The following PSD3 variants were observed in gnomAD, a reference collection of about 807,000 sequenced individuals.
PSD3 encodes PH and SEC7 domain-containing protein 3.
PSD3 carries 49 observed loss-of-function variants against 105.5 expected under a neutral mutation model. The observed-to-expected ratio is 0.46, with a 90% confidence interval of 0.37 to 0.59. PSD3 has a LOEUF of 0.59. Among genes scored for constraint, PSD3 ranks in the 20% least tolerant of loss-of-function variants. The pLI, the probability that PSD3 is intolerant of heterozygous loss-of-function variation, is 0.00. For missense variants in PSD3, 1,561 were observed against 1,263.8 expected (o/e 1.24, Z -3.57); for synonymous variants, 557 against 457.8 (o/e 1.22, Z -2.77).
At chr8:19,045,358 T>C (rs113483901) in intron 1 of PSD3, among the ~76,000 whole-genome samples, 5,088 of 152,288 alleles carry the variant, frequency 0.033, 277 homozygotes, top group African/African-American at 0.11. Flanking sequence ...ATAGAAAAAG[T>C]TGACAAGGGA....
chr8:18,609,078 T>G (rs1279953623), intron 11 of PSD3, among the ~76,000 whole-genome samples: 1 of 152,152 alleles, frequency 6.6e-6, no homozygotes, highest in East Asian at 1.9e-4. Flanking sequence ...GTATGAGCAT[T>G]GCCTATTGTT....
chr8:18,566,395 G>A (rs553158197), intron 14 of PSD3, among the ~76,000 whole-genome samples: 5 of 151,876 alleles, frequency 3.3e-5, no homozygotes, highest in East Asian at 3.9e-4. Context: ...GTATGGTGGC[G>A]GGCGCCTGTA....
At chr8:18,769,306 C>T (rs1807289436) in intron 8 of PSD3, among the ~76,000 whole-genome samples, 2 of 152,084 alleles carry the variant, frequency 1.3e-5, no homozygotes, top group African/African-American at 2.4e-5. Flanking sequence ...GATATGTGAT[C>T]TGCAAAATTC....
chr8:19,065,397 T>A (rs1349333252), intron 1 of PSD3, among the ~76,000 whole-genome samples: 1 of 152,142 alleles, frequency 6.6e-6, no homozygotes, highest in Non-Finnish European at 1.5e-5. Flanking sequence ...TACCTGGAGA[T>A]AGCGTCAGAT....
intron 1 of PSD3, among the ~76,000 whole-genome samples, chr8:19,035,383 T>C (rs978688409): frequency 2.4e-4 from 36 of 152,334 alleles, no homozygotes; most frequent in African/African-American, 8.2e-4. Context: ...AAAACTGCTA[T>C]TAATGGATAC....
intron 14 of PSD3, among the ~76,000 whole-genome samples, chr8:18,561,902 G>C (rs985666629): frequency 2.0e-5 from 3 of 152,112 alleles, no homozygotes; most frequent in African/African-American, 4.8e-5. Flanking sequence ...TTCTCCCCCG[G>C]TGCAAAGCCC....
intron 9 of PSD3, among the ~76,000 whole-genome samples, chr8:18,690,996 G>A (rs1432588664): frequency 2.0e-5 from 3 of 151,334 alleles, no homozygotes; most frequent in South Asian, 2.1e-4. Flanking sequence ...AAGAATTGGC[G>A]GTTAGGAGTA....
rs1231382804 is a variant in PSD3, at chr8:18,804,413, A to C, written c.1910+109T>G. On this transcript the variant is annotated intron_variant, in intron 6 of 15. Coordinates refer to ENST00000327040, the MANE Select transcript of PSD3 (RefSeq NM_015310.4). ...TGGAGAAGGAATACTCCACCTATAC[A>C]TGGAGGTTTAAAAAAAAAAAATAAG... The C allele has an allele frequency of 4.7e-6, 4 of 857,344 alleles. No homozygotes were observed. The East Asian group carries it at 1.1e-4, about 23-fold the overall frequency. The allele number at this position is 857,344 out of a possible 1,614,324, so 53.1% of individuals were successfully genotyped here. A position where few individuals can be genotyped will look rare whatever the true frequency, so the allele number is the denominator to read the frequency against.
At chr8:18,678,370 A>C (rs2130939902) in intron 9 of PSD3, among the ~76,000 whole-genome samples, 1 of 152,360 alleles carries the variant, frequency 6.6e-6, no homozygotes, top group East Asian at 1.9e-4. Flanking sequence ...GTAAACAGTA[A>C]ATGGAAACTA....
chr8:18,615,985 G>A (rs897324372), intron 11 of PSD3, among the ~76,000 whole-genome samples: 3 of 152,162 alleles, frequency 2.0e-5, no homozygotes, highest in South Asian at 2.1e-4. Flanking sequence ...AGTGGCTGAT[G>A]AGCAGCCTCC....
chr8:18,808,719 A>C (rs752958127), intron 4 of PSD3: 34 of 1,613,918 alleles, frequency 2.1e-5, no homozygotes, highest in Non-Finnish European at 2.9e-5. Context: ...CTTTTAAATC[A>C]GAAAGCTTGA....
chr8:18,746,419 T>C (rs1288375944), intron 9 of PSD3, among the ~76,000 whole-genome samples: 3 of 152,102 alleles, frequency 2.0e-5, no homozygotes, highest in African/African-American at 7.2e-5. Flanking sequence ...TCATTCTTCT[T>C]CAGTGCAGTC....
intron 12 of PSD3, among the ~76,000 whole-genome samples, chr8:18,590,441 A>C (rs1803515183): frequency 1.3e-5 from 2 of 152,220 alleles, no homozygotes; most frequent in South Asian, 4.1e-4. Context: ...AAGAAGTTCA[A>C]AATGAATCCT....
chr8:18,871,430 C>T (rs1019627237), intron 3 of PSD3, among the ~76,000 whole-genome samples, 196 bp downstream of exon 3: 3 of 152,146 alleles, frequency 2.0e-5, no homozygotes, highest in Admixed American at 1.3e-4. Flanking sequence ...GACTTTATAA[C>T]AAGATCACTT....
Position 18,531,505 on chromosome 8 carries a change from T to C in PSD3, c.*4238A>G, listed in dbSNP as rs1799630039. The C allele has an allele frequency of 6.6e-6, 1 of 152,214 alleles. No homozygotes were observed. 9.4% of individuals were successfully genotyped at this position (152,214 alleles called of 1,614,324 possible). ...TGCTATCAATAATCTATCACGGGGT[T>C]ATTCTGTGATGATTTGATCATGTAA... On this transcript the variant is annotated 3_prime_UTR_variant, in exon 16 of 16. Transcript: ENST00000327040.
chr8:18,780,338 T>G (rs577557694), intron 8 of PSD3, among the ~76,000 whole-genome samples: 1 of 66,618 alleles, frequency 1.5e-5, no homozygotes, highest in Non-Finnish European at 2.8e-5. Flanking sequence ...AGGCAGTATA[T>G]AGTTAAGTCA....
intron 2 of PSD3, among the ~76,000 whole-genome samples, chr8:18,905,461 C>G (rs1331303697): frequency 6.6e-6 from 1 of 152,084 alleles, no homozygotes; most frequent in Non-Finnish European, 1.5e-5. Flanking sequence ...GTAGCTGGGA[C>G]TACAGGTGCA....
chr8:18,961,766 T>C (rs190629518), intron 1 of PSD3, among the ~76,000 whole-genome samples: 8 of 152,240 alleles, frequency 5.3e-5, no homozygotes, highest in Admixed American at 2.6e-4. Flanking sequence ...CATAAAGATA[T>C]TTTATTTGTC....
At chr8:18,910,637 T>TAAA (rs34392783) in intron 2 of PSD3, among the ~76,000 whole-genome samples, 758 of 96,496 alleles carry the variant, frequency 7.9e-3, no homozygotes, top group East Asian at 0.013. Flanking sequence ...TAGAGTATAA[T>TAAA]AAAAAAAAAA....
Sources: gnomAD v4.1 joint callset for allele counts (sites outside exome capture counted in the v4.1 genomes callset) on GRCh38, gnomAD v4.1.1 for gene constraint, MANE v1.5 for transcripts, NCBI Gene and HGNC (gene_info 2026-07-23, HGNC 2026-07-21) for gene names.